The following CEP128 variants were observed in gnomAD, a reference collection of about 807,000 sequenced individuals.
The protein encoded by CEP128 is centrosomal protein 128kDa.
A neutral mutation model predicts 156.7 loss-of-function variants in CEP128; 132 were observed. The observed-to-expected ratio is 0.84, with a 90% CI of 0.73 to 0.97. CEP128 has a LOEUF of 0.97. Among genes scored for constraint, CEP128 ranks in the 50% least tolerant of loss-of-function variants. CEP128 has a pLI of 0.00. For synonymous variants in CEP128, 469 were observed against 448.9 expected, an observed-to-expected ratio of 1.04 and a Z score of -0.57; for missense variants, 1,252 against 1,281.9, an observed-to-expected ratio of 0.98 and a Z score of 0.36.
chr14:80,819,407 C>T (rs1242034473), intron 13 of CEP128, among the ~76,000 whole-genome samples: 3 of 151,902 alleles, frequency 2.0e-5, no homozygotes, highest in African/African-American at 4.8e-5. Context: ...CCACCACGCC[C>T]GGCTAATTTT....
rs1306921623 is a variant in CEP128, at chr14:80,777,746, C to CT, written c.2376+135dup. The stretch of plus-strand genomic sequence containing the variant: ...ATAAAAATCACAGCATTCTAATAAA[C>CT]TGACTTTTTTGGGGGGCACCAATAC... On this transcript the variant is annotated intron_variant, in intron 16 of 24. Coordinates refer to ENST00000555265, the MANE Select transcript of CEP128 (RefSeq NM_152446.5). 4 of 641,118 alleles carry CT rather than the reference C, an allele frequency of 6.2e-6. No individual in the cohort carries two copies. In the South Asian group the frequency reaches 6.8e-5, roughly 11 times the overall value. 39.7% of individuals were successfully genotyped at this position (641,118 alleles called of 1,614,324 possible).
At chr14:80,590,967 T>C (rs983453749) in intron 19 of CEP128, among the ~76,000 whole-genome samples, 1 of 152,174 alleles carries the variant, frequency 6.6e-6, no homozygotes, top group Non-Finnish European at 1.5e-5. Context: ...TGAGAGATTC[T>C]GTCACCACCG....
In CEP128 at chr14:80,819,571, C is replaced by T. The variant is rs1270606106; in HGVS notation, c.1209+11572G>A. On this transcript the variant is annotated intron_variant, in intron 13 of 24. Coordinates refer to ENST00000555265, the MANE Select transcript of CEP128 (RefSeq NM_152446.5). ...TCTCTGGCCTCTTCTTATAAGGGCACTAATCTCATTCATGAAGACAGCCTC... is the reference window on the plus strand; with the variant it reads ...TCTCTGGCCTCTTCTTATAAGGGCATTAATCTCATTCATGAAGACAGCCTC... Among the ~76,000 whole-genome samples the T allele has an allele frequency of 2.0e-5, 3 of 152,064 alleles. No individual in the cohort carries two copies. In the East Asian group the frequency reaches 5.8e-4, roughly 29 times the overall value.
At chr14:80,788,621 C>G (rs1182931891) in intron 14 of CEP128, among the ~76,000 whole-genome samples, 1 of 152,112 alleles carries the variant, frequency 6.6e-6, no homozygotes, top group Non-Finnish European at 1.5e-5. Flanking sequence ...TTATTCACAG[C>G]ATCAATGCCC....
intron 13 of CEP128, among the ~76,000 whole-genome samples, chr14:80,821,413 A>G (rs1885162123): frequency 6.6e-6 from 1 of 152,212 alleles, no homozygotes; most frequent in Non-Finnish European, 1.5e-5. Flanking sequence ...TACTTACTCA[A>G]GGAACATTAC....
At chr14:80,953,040 C>T (rs1404988670) in intron 2 of CEP128, among the ~76,000 whole-genome samples, 3 of 152,160 alleles carry the variant, frequency 2.0e-5, no homozygotes, top group Non-Finnish European at 4.4e-5. Flanking sequence ...AAGGTTCCAA[C>T]AGCTTCACTG....
chr14:80,840,174 T>G (rs539511210), intron 10 of CEP128, among the ~76,000 whole-genome samples: 3 of 152,304 alleles, frequency 2.0e-5, no homozygotes, highest in Non-Finnish European at 4.4e-5. Flanking sequence ...GAAGAGTTGT[T>G]TGGCCTCTGA....
chr14:80,689,157 C>A (rs1281107437), intron 19 of CEP128, among the ~76,000 whole-genome samples: 2 of 151,838 alleles, frequency 1.3e-5, no homozygotes, highest in Non-Finnish European at 2.9e-5. Context: ...TCAAGACCAG[C>A]CTGGCCAACA....
intron 20 of CEP128, among the ~76,000 whole-genome samples, chr14:80,572,304 TA>T (rs1891172956): frequency 6.6e-6 from 1 of 152,166 alleles, no homozygotes; most frequent in Non-Finnish European, 1.5e-5. Context: ...GTATTATTAG[TA>T]CTTAGGATCT....
At chr14:80,770,187 T>C (rs566735084) in intron 16 of CEP128, among the ~76,000 whole-genome samples, 1 of 152,212 alleles carries the variant, frequency 6.6e-6, no homozygotes, top group South Asian at 2.1e-4. Flanking sequence ...CAGGAGTGGG[T>C]ACAACTGGTA....
intron 13 of CEP128, among the ~76,000 whole-genome samples, chr14:80,824,560 A>T (rs1326602070): frequency 1.3e-5 from 2 of 152,202 alleles, no homozygotes; most frequent in Non-Finnish European, 2.9e-5. Context: ...CCAGTTCAAA[A>T]TTCCACAAAT....
intron 8 of CEP128, among the ~76,000 whole-genome samples, chr14:80,882,618 A>G (rs1238615181): frequency 6.6e-6 from 1 of 152,184 alleles, no homozygotes; most frequent in African/African-American, 2.4e-5. Context: ...CTGCATTCCC[A>G]TGTTTGTTGC....
At chr14:80,620,518 G>C (rs907323523) in intron 19 of CEP128, among the ~76,000 whole-genome samples, 1 of 152,150 alleles carries the variant, frequency 6.6e-6, no homozygotes, top group Non-Finnish European at 1.5e-5. Flanking sequence ...GATTTGTAAA[G>C]GAATTAGAAT....
intron 8 of CEP128, among the ~76,000 whole-genome samples, chr14:80,879,610 G>A (rs571260882): frequency 6.6e-6 from 1 of 152,134 alleles, no homozygotes; most frequent in African/African-American, 2.4e-5. Context: ...GAGACAGTTT[G>A]TGAATTTGAA....
intron 21 of CEP128, among the ~76,000 whole-genome samples, chr14:80,537,864 G>A (rs1889557376): frequency 6.6e-6 from 1 of 152,092 alleles, no homozygotes; most frequent in Non-Finnish European, 1.5e-5. Flanking sequence ...TGCTGCATTG[G>A]AAATCAGCAT....
At chr14:80,935,589 A>G (rs1885741220) in intron 2 of CEP128, among the ~76,000 whole-genome samples, 1 of 146,178 alleles carries the variant, frequency 6.8e-6, no homozygotes, top group Non-Finnish European at 1.5e-5. Context: ...TAAATAAATA[A>G]ATAAATAAAT....
At chr14:80,717,415 T>C (rs564509648) in intron 19 of CEP128, among the ~76,000 whole-genome samples, 9 of 152,292 alleles carry the variant, frequency 5.9e-5, no homozygotes, top group Non-Finnish European at 1.3e-4. Context: ...TCAAATCAGC[T>C]GGCAGAGACT....
chr14:80,712,241 G>A (rs1211883810), intron 19 of CEP128, among the ~76,000 whole-genome samples: 2 of 152,072 alleles, frequency 1.3e-5, no homozygotes, highest in African/African-American at 2.4e-5. Flanking sequence ...GTTCTGTACT[G>A]GAGCTTCTTA....
rs551656573 is a variant in CEP128, at chr14:80,548,020, G to A, written c.2880+11259C>T. Among the ~76,000 whole-genome samples, 115 of 152,038 alleles carry A rather than the reference G, an allele frequency of 7.6e-4. 2 individuals carry two copies. The highest frequency in any genetic ancestry group is 9.8e-4 in the Admixed American group (15 of 15,276). ...TCACCATGTTAGCCAGGCTAGTCTC[G>A]AACTCCTGACCTCAGGTGATCCACC... is the stretch of plus-strand genomic sequence containing the variant. On this transcript the variant is annotated intron_variant, in intron 21 of 24. Coordinates refer to ENST00000555265, the MANE Select transcript of CEP128 (RefSeq NM_152446.5).
Sources: gnomAD v4.1 joint callset for allele counts (sites outside exome capture counted in the v4.1 genomes callset) on GRCh38, gnomAD v4.1.1 for gene constraint, MANE v1.5 for transcripts, NCBI Gene and HGNC (gene_info 2026-07-23, HGNC 2026-07-21) for gene names.